Variants in KCTD1 observed in about 807,000 individuals in gnomAD.
The protein encoded by KCTD1 is potassium channel tetramerization domain containing 1.
Under a neutral mutation model 66.0 loss-of-function variants are expected in KCTD1, and 24 were observed. The ratio of observed to expected loss-of-function variants is 0.36; its 90% confidence interval spans 0.26 to 0.51. KCTD1 has a LOEUF of 0.51. KCTD1 is among the 20% of genes least tolerant of loss of function. KCTD1 has a pLI of 0.95. For synonymous variants in KCTD1, 511 were observed against 517.2 expected, an observed-to-expected ratio of 0.99 and a Z score of 0.16; for missense variants, 943 against 1,205.2, an observed-to-expected ratio of 0.78 and a Z score of 3.22.
chr18:26,456,684 A>G lies in KCTD1; in HGVS notation c.2440-783T>C, dbSNP rs528837002. On this transcript the variant is annotated intron_variant, in intron 4 of 4. Coordinates refer to ENST00000580059, the MANE Select transcript of KCTD1 (RefSeq NM_001142730.3). ...GAATCTGTTCCTTAATTTTGAAATC[A>G]AAAACCTAACGCCAGCAAGATTCCT... The G allele has an allele frequency of 2.0e-5, 3 of 152,334 alleles. No homozygotes were observed. In the East Asian group the frequency reaches 5.8e-4, roughly 29 times the overall value. 9.4% of individuals were successfully genotyped at this position (152,334 alleles called of 1,614,324 possible). A position where few individuals can be genotyped will look rare whatever the true frequency, so the allele number is the denominator to read the frequency against.
At chr18:26,469,832 A>G (rs1980954277) in intron 3 of KCTD1, among the ~76,000 whole-genome samples, 1 of 152,142 alleles carries the variant, frequency 6.6e-6, no homozygotes, top group African/African-American at 2.4e-5. Flanking sequence ...TGTCCTCTGG[A>G]AAAACATAAA....
intron 1 of KCTD1, among the ~76,000 whole-genome samples, chr18:26,516,571 T>A (rs1438066139): frequency 6.6e-6 from 1 of 152,164 alleles, no homozygotes; most frequent in African/African-American, 2.4e-5. Context: ...AGCTCACAGA[T>A]AAATGGTTAT....
chr18:26,646,501 C>A (rs1015275652), intron 1 of KCTD1, among the ~76,000 whole-genome samples: 3 of 152,168 alleles, frequency 2.0e-5, no homozygotes, highest in African/African-American at 7.2e-5. Flanking sequence ...ATGTATCTGT[C>A]ATGCTCCTTA....
intron 1 of KCTD1, among the ~76,000 whole-genome samples, chr18:26,649,750 C>T (rs534433984): frequency 1.0e-3 from 155 of 152,274 alleles, no homozygotes; most frequent in African/African-American, 3.6e-3. Context: ...CCTCGTGATC[C>T]ACCTGCCTCG....
intron 1 of KCTD1, among the ~76,000 whole-genome samples, chr18:26,577,353 T>C (rs1007019136): frequency 1.6e-4 from 24 of 152,356 alleles, no homozygotes; most frequent in African/African-American, 5.8e-4. Context: ...ATTTCTTATC[T>C]GCTAATGACA....
chr18:26,528,252 T>G (rs1984266713), intron 1 of KCTD1, among the ~76,000 whole-genome samples: 1 of 152,170 alleles, frequency 6.6e-6, no homozygotes, highest in Non-Finnish European at 1.5e-5. Context: ...CAGCCTTTAA[T>G]GGGGAGCCAG....
At chr18:26,570,428 A>G (rs1466341504) in intron 1 of KCTD1, among the ~76,000 whole-genome samples, 1 of 151,728 alleles carries the variant, frequency 6.6e-6, no homozygotes, top group Non-Finnish European at 1.5e-5. Flanking sequence ...TCTTTTTTGG[A>G]GACAAGGTCT....
chr18:26,506,134 G>T (rs938681762), intron 1 of KCTD1, among the ~76,000 whole-genome samples: 4 of 152,054 alleles, frequency 2.6e-5, no homozygotes, highest in Admixed American at 1.3e-4. Flanking sequence ...AGCCCGCCTT[G>T]GCCTCCCAAA....
intron 1 of KCTD1, among the ~76,000 whole-genome samples, chr18:26,627,376 G>A (rs755605527): frequency 4.7e-5 from 7 of 149,976 alleles, no homozygotes; most frequent in South Asian, 4.3e-4. Flanking sequence ...TTACTGTTTC[G>A]CTACCAGGGT....
At chr18:26,553,527 G>T (rs77419038), upstream of KCTD1, among the ~76,000 whole-genome samples, 1,966 of 152,184 alleles carry the variant, frequency 0.013, 70 homozygotes, top group East Asian at 0.13. Flanking sequence ...TTCAACAAAA[G>T]GCTGTATAGC....
intron 3 of KCTD1, among the ~76,000 whole-genome samples, chr18:26,460,404 A>C (rs1598872162): frequency 1.3e-5 from 2 of 152,208 alleles, no homozygotes; most frequent in African/African-American, 4.8e-5. Flanking sequence ...GCCAATGGGC[A>C]CCCTTCATCA....
At chr18:26,648,697 T>C (rs75512749) in intron 1 of KCTD1, among the ~76,000 whole-genome samples, 2 of 152,172 alleles carry the variant, frequency 1.3e-5, no homozygotes, top group African/African-American at 4.8e-5. Flanking sequence ...ATTATTAGTA[T>C]TAGTAATTAC....
chr18:26,594,247 G>A (rs919130215), intron 1 of KCTD1, among the ~76,000 whole-genome samples: 6 of 152,172 alleles, frequency 3.9e-5, no homozygotes, highest in African/African-American at 1.4e-4. Context: ...GGGGAAGTTA[G>A]CCTAAATCAG....
intron 1 of KCTD1, among the ~76,000 whole-genome samples, chr18:26,601,065 G>C (rs1598961263): frequency 6.6e-6 from 1 of 152,066 alleles, no homozygotes; most frequent in Admixed American, 6.6e-5. Flanking sequence ...GAGGAACTTA[G>C]TGTCACACAC....
At chr18:26,549,488 G>C (rs1210176574), upstream of KCTD1, 2 of 976,496 alleles carry the variant, frequency 2.0e-6, no homozygotes, top group East Asian at 1.1e-4. Context: ...CGGTGGGAGG[G>C]GAGACGAGGG....
intron 1 of KCTD1, among the ~76,000 whole-genome samples, chr18:26,653,009 C>T (rs187139132): frequency 6.6e-6 from 1 of 152,162 alleles, no homozygotes; most frequent in Non-Finnish European, 1.5e-5. Flanking sequence ...CAAACCCTTC[C>T]ATCAGTATTT....
chr18:26,488,626 C>G (rs1387317407), intron 2 of KCTD1, among the ~76,000 whole-genome samples: 1 of 152,164 alleles, frequency 6.6e-6, no homozygotes, highest in Admixed American at 6.5e-5. Flanking sequence ...CTATGAAGCC[C>G]TCCCAGCCTG....
chr18:26,561,035 T>A (rs931692575), intron 1 of KCTD1, among the ~76,000 whole-genome samples: 12 of 152,154 alleles, frequency 7.9e-5, no homozygotes, highest in Admixed American at 6.5e-4. Context: ...ATAAATTATA[T>A]CTCATCTATT....
At chr18:26,518,076 C>G (rs1014128919) in intron 1 of KCTD1, among the ~76,000 whole-genome samples, 24 of 152,322 alleles carry the variant, frequency 1.6e-4, no homozygotes, top group Admixed American at 1.2e-3. Context: ...CTGTACACCC[C>G]CATCTCTAGC....
Sources: allele counts gnomAD v4.1 joint callset (sites outside exome capture counted in the v4.1 genomes callset), GRCh38; gene constraint gnomAD v4.1.1; transcripts MANE v1.5; gene names NCBI Gene and HGNC (gene_info 2026-07-23, HGNC 2026-07-21).